Variants in CNTN4 observed in about 807,000 individuals in gnomAD.
The protein encoded by CNTN4 is contactin-4.
In CNTN4, 77 loss-of-function variants were observed where a neutral mutation model predicts 122.5. The ratio of observed to expected loss-of-function variants is 0.63; its 90% confidence interval spans 0.52 to 0.76. CNTN4 has a LOEUF of 0.76. CNTN4 is among the 30% of genes least tolerant of loss of function. The probability of loss-of-function intolerance (pLI) is 0.00; values close to 1 mark genes in which losing one functional copy is unlikely to be tolerated. For synonymous variants in CNTN4, 512 were observed against 447.0 expected (o/e 1.15, Z -1.83); for missense variants, 1,256 against 1,259.1 (o/e 1.00, Z 0.04).
chr3:2,760,119 T>G (rs2090521653), intron 6 of CNTN4, among the ~76,000 whole-genome samples: 1 of 152,248 alleles, frequency 6.6e-6, no homozygotes, highest in East Asian at 1.9e-4. Flanking sequence ...TTTTCTCTAT[T>G]TACTGGGTTG....
At chr3:2,923,794 T>C (rs2094449694) in intron 12 of CNTN4, among the ~76,000 whole-genome samples, 1 of 152,234 alleles carries the variant, frequency 6.6e-6, no homozygotes, top group Non-Finnish European at 1.5e-5. Context: ...TATTTAATTA[T>C]GTTTGATAAT....
At chr3:2,587,477 C>G (rs573926272) in intron 4 of CNTN4, among the ~76,000 whole-genome samples, 40 of 152,164 alleles carry the variant, frequency 2.6e-4, no homozygotes, top group Non-Finnish European at 5.1e-4. Context: ...TCCTTATCCT[C>G]TTTAGTTCTT....
At chr3:2,748,526 G>T (rs2089919604) in intron 6 of CNTN4, among the ~76,000 whole-genome samples, 2 of 151,772 alleles carry the variant, frequency 1.3e-5, no homozygotes, top group African/African-American at 4.8e-5. Flanking sequence ...ACCAGGACAG[G>T]GCAGCATGTC....
intron 7 of CNTN4, among the ~76,000 whole-genome samples, chr3:2,850,093 G>A (rs377431846): frequency 6.6e-6 from 1 of 150,908 alleles, no homozygotes; most frequent in African/African-American, 2.4e-5. Context: ...GAGTTCAAGT[G>A]ATTCTCCTGC....
intron 3 of CNTN4, among the ~76,000 whole-genome samples, chr3:2,397,566 T>C (rs1218050461): frequency 2.0e-5 from 3 of 152,048 alleles, no homozygotes; most frequent in Non-Finnish European, 4.4e-5. Flanking sequence ...TTGTATCAAA[T>C]ACAGACTACA....
At chr3:2,651,980 T>C (rs776377498) in intron 4 of CNTN4, among the ~76,000 whole-genome samples, 14 of 151,758 alleles carry the variant, frequency 9.2e-5, no homozygotes, top group Non-Finnish European at 2.1e-4. Flanking sequence ...GTGCTGGGAT[T>C]ATAGGTGTGA....
chr3:2,952,068 C>G (rs2094751294), intron 13 of CNTN4, among the ~76,000 whole-genome samples: 1 of 152,214 alleles, frequency 6.6e-6, no homozygotes, highest in African/African-American at 2.4e-5. Context: ...GCCTGAGGCC[C>G]CAAATTCTGG....
At chr3:2,925,581 C>T (rs747827413) in intron 12 of CNTN4, 48 bp from the exon 13 acceptor site, 3 of 1,572,412 alleles carry the variant, frequency 1.9e-6, no homozygotes, top group Non-Finnish European at 2.6e-6. Flanking sequence ...GGAATTATCT[C>T]ATGGAAGGCT....
In CNTN4 at chr3:2,841,250, G is replaced by GT. The variant is rs2093356938; in HGVS notation, c.454+21674dup. Among the ~76,000 whole-genome samples, 1 of 152,168 alleles carries GT rather than the reference G, an allele frequency of 6.6e-6. No homozygotes were observed. On this transcript the variant is annotated intron_variant, in intron 7 of 24. Coordinates refer to ENST00000418658, the MANE Select transcript of CNTN4 (RefSeq NM_175607.3). This position sits in a 1 kb window ranked among gnomAD's most constrained non-coding sequence, Gnocchi z 4.8. ...TGGGTGGATTTTAACTTTTAACCCA[G>GT]TTTTTCAGATGTGTTAATATATAGT...
chr3:2,642,776 G>C (rs536232831), intron 4 of CNTN4, among the ~76,000 whole-genome samples: 17 of 152,108 alleles, frequency 1.1e-4, no homozygotes, highest in South Asian at 2.1e-4. Context: ...CTGTCCTTCT[G>C]TCTTTGTTCC....
intron 3 of CNTN4, among the ~76,000 whole-genome samples, chr3:2,463,457 G>T (rs1486502883): frequency 6.6e-6 from 1 of 152,026 alleles, no homozygotes; most frequent in Non-Finnish European, 1.5e-5. Context: ...CTGTTTTTTG[G>T]TTCATGTGAA....
At chr3:2,697,915 G>A (rs188817794) in intron 4 of CNTN4, among the ~76,000 whole-genome samples, 2 of 152,192 alleles carry the variant, frequency 1.3e-5, no homozygotes, top group East Asian at 3.9e-4. Flanking sequence ...GATTGGATGA[G>A]GCCCACCCAC....
chr3:2,862,049 C>T (rs1007870593), intron 7 of CNTN4, among the ~76,000 whole-genome samples: 1 of 152,182 alleles, frequency 6.6e-6, no homozygotes, highest in Non-Finnish European at 1.5e-5. Flanking sequence ...GATCATGATC[C>T]ACTCATACAG....
intron 3 of CNTN4, among the ~76,000 whole-genome samples, chr3:2,488,090 A>G (rs911131297): frequency 2.6e-5 from 4 of 152,196 alleles, no homozygotes; most frequent in African/African-American, 9.7e-5. Flanking sequence ...TCCCTAATAC[A>G]CATTTACTTC....
chr3:2,561,298 A>G (rs1044546808), intron 3 of CNTN4, among the ~76,000 whole-genome samples: 1 of 152,220 alleles, frequency 6.6e-6, no homozygotes, highest in African/African-American at 2.4e-5. Flanking sequence ...ACCAGCGAGC[A>G]GAAGGAAAAC....
At chr3:2,651,003 GT>G (rs1559347124) in intron 4 of CNTN4, among the ~76,000 whole-genome samples, 1 of 152,092 alleles carries the variant, frequency 6.6e-6, no homozygotes, top group Non-Finnish European at 1.5e-5. Context: ...TTACAATCCT[GT>G]TATAAAGGTT....
intron 2 of CNTN4, among the ~76,000 whole-genome samples, chr3:2,304,422 G>T (rs2042631623): frequency 6.6e-6 from 1 of 152,042 alleles, no homozygotes; most frequent in Non-Finnish European, 1.5e-5. Flanking sequence ...TACATTCTAT[G>T]AAACATATTT....
chr3:2,946,771 A>G (rs947077728), intron 13 of CNTN4, among the ~76,000 whole-genome samples: 1 of 146,872 alleles, frequency 6.8e-6, no homozygotes, highest in Non-Finnish European at 1.5e-5. Flanking sequence ...TGGCGTGAAC[A>G]TGGCTCACTG....
intron 4 of CNTN4, among the ~76,000 whole-genome samples, chr3:2,638,590 A>G (rs1474703577): frequency 6.6e-6 from 1 of 152,032 alleles, no homozygotes; most frequent in Non-Finnish European, 1.5e-5. Flanking sequence ...TTTTAATTCT[A>G]TTCACAACTC....
Sources: allele counts gnomAD v4.1 joint callset (sites outside exome capture counted in the v4.1 genomes callset), GRCh38; gene constraint gnomAD v4.1.1; non-coding constraint Gnocchi (gnomAD v3.1); transcripts MANE v1.5; gene names NCBI Gene and HGNC (gene_info 2026-07-23, HGNC 2026-07-21).